The following THSD7A variants were observed in gnomAD, a reference collection of about 807,000 sequenced individuals.
THSD7A encodes thrombospondin type 1 domain containing 7A.
Under a neutral mutation model 231.3 loss-of-function variants are expected in THSD7A, and 96 were observed. The ratio of observed to expected loss-of-function variants is 0.41; its 90% CI spans 0.35 to 0.49. THSD7A has a LOEUF of 0.49. THSD7A is among the 20% of genes least tolerant of loss of function. The probability of loss-of-function intolerance (pLI) is 0.05; values close to 1 mark genes in which losing one functional copy is unlikely to be tolerated. For synonymous variants in THSD7A, 940 were observed against 743.3 expected (o/e 1.26, Z -4.30); for missense variants, 2,290 against 2,070.2 (o/e 1.11, Z -2.06).
chr7:11,556,471 A>C (rs1212928792), intron 4 of THSD7A, among the ~76,000 whole-genome samples: 2 of 151,844 alleles, frequency 1.3e-5, no homozygotes, highest in African/African-American at 4.8e-5. Context: ...ATCAGGTAGC[A>C]GTGTTATAAT....
intron 11 of THSD7A, among the ~76,000 whole-genome samples, chr7:11,457,754 T>C (rs139709082): frequency 4.6e-5 from 7 of 152,222 alleles, no homozygotes; most frequent in Admixed American, 1.3e-4. Flanking sequence ...TGAACACATT[T>C]AATGTTTTTG....
At chr7:11,682,283 A>G (rs914012582) in intron 1 of THSD7A, among the ~76,000 whole-genome samples, 1 of 152,110 alleles carries the variant, frequency 6.6e-6, no homozygotes, top group Non-Finnish European at 1.5e-5. Context: ...AAACAGCCTC[A>G]ATGCTCTACT....
intron 1 of THSD7A, among the ~76,000 whole-genome samples, chr7:11,679,685 G>A (rs568125775): frequency 1.4e-4 from 21 of 152,194 alleles, no homozygotes; most frequent in Non-Finnish European, 2.4e-4. Context: ...ACTGGTCAAG[G>A]AAATAAGAGA....
intron 2 of THSD7A, among the ~76,000 whole-genome samples, chr7:11,594,502 C>A (rs917994835): frequency 1.3e-5 from 2 of 152,104 alleles, no homozygotes; most frequent in Non-Finnish European, 2.9e-5. Flanking sequence ...TTGGTGTGAA[C>A]TGTTTAGGGA....
intron 1 of THSD7A, among the ~76,000 whole-genome samples, chr7:11,739,568 T>C (rs1465818396): frequency 6.6e-6 from 1 of 151,884 alleles, no homozygotes; most frequent in African/African-American, 2.4e-5. Flanking sequence ...TCTCTTTCTT[T>C]AAAATTTTTT....
At chr7:11,412,593 G>A in intron 18 of THSD7A, 63 bp downstream of exon 18, 3 of 1,588,124 alleles carry the variant, frequency 1.9e-6, no homozygotes, top group Non-Finnish European at 1.7e-6. Flanking sequence ...TGACAGGAAT[G>A]CTTCAGAGCT....
At chr7:11,694,168 T>C (rs923275958) in intron 1 of THSD7A, among the ~76,000 whole-genome samples, 1 of 151,544 alleles carries the variant, frequency 6.6e-6, no homozygotes, top group East Asian at 2.0e-4. Flanking sequence ...GGCTATCTTC[T>C]AAGCTTGACT....
At chr7:11,460,888 T>TC in intron 10 of THSD7A, 123 bp from the exon 11 acceptor site, 1 of 675,352 alleles carries the variant, frequency 1.5e-6, no homozygotes, top group South Asian at 1.9e-5. Flanking sequence ...AATGCTCAGT[T>TC]CTATCTAAAT....
chr7:11,828,908 C>T (rs556678939), intron 1 of THSD7A, among the ~76,000 whole-genome samples: 2 of 152,240 alleles, frequency 1.3e-5, no homozygotes, highest in Non-Finnish European at 2.9e-5. Context: ...ACAAAACCAA[C>T]CCCTTATCTA....
At chr7:11,415,909 T>G (rs2115394259) in intron 17 of THSD7A, among the ~76,000 whole-genome samples, 1 of 152,314 alleles carries the variant, frequency 6.6e-6, no homozygotes, top group African/African-American at 2.4e-5. Flanking sequence ...TCATTTTCTG[T>G]ATGACACTTA....
chr7:11,516,133 C>A (rs1368054036), intron 6 of THSD7A, among the ~76,000 whole-genome samples: 1 of 151,994 alleles, frequency 6.6e-6, no homozygotes, highest in African/African-American at 2.4e-5. Flanking sequence ...TGTATTCTGG[C>A]TGTAATAAAT....
chr7:11,576,785 A>G (rs540674580), intron 4 of THSD7A, among the ~76,000 whole-genome samples: 10 of 152,336 alleles, frequency 6.6e-5, no homozygotes, highest in African/African-American at 2.4e-4. Flanking sequence ...GGCTTACATT[A>G]TACTTTTCCC....
chr7:11,484,966 C>A (rs1005751935), intron 6 of THSD7A, among the ~76,000 whole-genome samples: 2 of 128,460 alleles, frequency 1.6e-5, no homozygotes, highest in African/African-American at 5.8e-5. Flanking sequence ...TCTTGGCTTA[C>A]TGCAACCTCC....
At chr7:11,607,948 G>A (rs1003185642) in intron 2 of THSD7A, among the ~76,000 whole-genome samples, 1 of 152,104 alleles carries the variant, frequency 6.6e-6, no homozygotes, top group Non-Finnish European at 1.5e-5. Flanking sequence ...ATATCAGCAT[G>A]GCACATATTT....
At chr7:11,426,268 C>G (rs1784319197) in intron 15 of THSD7A, among the ~76,000 whole-genome samples, 1 of 152,216 alleles carries the variant, frequency 6.6e-6, no homozygotes, top group South Asian at 2.1e-4. Flanking sequence ...ATTTTAAACT[C>G]CTGTACTGAA....
chr7:11,668,877 T>C (rs1437000138), intron 1 of THSD7A, among the ~76,000 whole-genome samples: 1 of 152,146 alleles, frequency 6.6e-6, no homozygotes, highest in Non-Finnish European at 1.5e-5. Flanking sequence ...ATATAGGGTG[T>C]AGATATGTAG....
intron 2 of THSD7A, among the ~76,000 whole-genome samples, chr7:11,633,661 C>T (rs1166454865): frequency 1.3e-5 from 2 of 152,182 alleles, no homozygotes; most frequent in Non-Finnish European, 2.9e-5. Flanking sequence ...TGGTTTGGGA[C>T]TGTAACCGTT....
chr7:11,376,653 C>G lies in THSD7A; in HGVS notation c.4806G>C (p.Gly1602=). The part of the protein sequence containing the change: ...TWFLQPFGPD[G]RLKTWVYGVA... ...CACCGTAAACCCAGGTCTTTAGTCT[C>G]CCATCTAAGAAGAATGGATATTAGT... Residue 1602 remains glycine, a synonymous_variant, in exon 27 of 28, where the codon GGG becomes GGC. Coordinates refer to ENST00000423059, the MANE Select transcript of THSD7A (RefSeq NM_015204.3). 1 of 1,572,482 alleles carries G rather than the reference C, an allele frequency of 6.4e-7. No homozygotes were observed. The highest frequency in any genetic ancestry group is 8.6e-7 in the Non-Finnish European group (1 of 1,157,682).
rs1210650108 is a variant in THSD7A at position 11,781,407 on chromosome 7, C to G, written c.190+50350G>C. On this transcript the variant is annotated intron_variant, in intron 1 of 27. Coordinates refer to ENST00000423059, the MANE Select transcript of THSD7A (RefSeq NM_015204.3). ...GAGTTTCAGGCTGCAAATAGCACCA[C>G]TGTACTCTTGCCTGGGTGGCAGAAC... 2.0e-5 allele frequency among the ~76,000 whole-genome samples: 3 copies of G among 152,004 alleles called. No homozygotes were observed. In the East Asian group the frequency reaches 5.8e-4, roughly 29 times the overall value.
Sources: gnomAD v4.1 joint callset for allele counts (sites outside exome capture counted in the v4.1 genomes callset) on GRCh38, gnomAD v4.1.1 for gene constraint, MANE v1.5 for transcripts, NCBI Gene and HGNC (gene_info 2026-07-23, HGNC 2026-07-21) for gene names.